Variants in ZNF462 observed in about 807,000 individuals in gnomAD.
The protein encoded by ZNF462 is zinc finger protein 462, also known as zinc finger PBX1-interacting protein.
Under a neutral mutation model 201.9 loss-of-function variants are expected in ZNF462, and 10 were observed. The observed-to-expected ratio is 0.05, with a 90% confidence interval of 0.03 to 0.08. The LOEUF (loss-of-function observed/expected upper bound fraction) is 0.08. ZNF462 is among the 10% of genes least tolerant of loss of function. ZNF462 has a pLI of 1.00. For missense variants in ZNF462, 2,523 were observed against 3,168.3 expected (o/e 0.80, Z 4.89); for synonymous variants, 1,227 against 1,193.3 (o/e 1.03, Z -0.58).
Position 106,924,214 on chromosome 9 carries a change from C to G in ZNF462, c.302C>G (p.Pro101Arg), listed in dbSNP as rs1830096756. The change falls in exon 3 of 13, where the codon CCC becomes CGC. Residue 101 changes from proline to arginine, a missense_variant. Coordinates refer to ENST00000277225, the MANE Select transcript of ZNF462 (RefSeq NM_021224.6). The surrounding 1 kb of genome is among the most constrained non-coding windows in gnomAD (Gnocchi z 6.2). ...GYYGQHIAAN[P>R]KPTNKFFQCK... ...TATGGTCAGCATATTGCCGCTAATC[C>G]CAAACCAACAAACAAGTTTTTTCAA... 6.2e-7 allele frequency: 1 copy of G among 1,614,092 alleles called. No individual in the cohort carries two copies. Among genetic ancestry groups the G allele is most frequent in the South Asian group, 1.1e-5 (1 of 91,072 alleles).
At position 106,926,140 on chromosome 9, in the gene ZNF462, A is replaced by T; in HGVS notation, c.2228A>T (p.Glu743Val). The change falls in exon 3 of 13, where the codon GAA becomes GTA. Residue 743 changes from glutamate (E) to valine (V), a missense_variant. Glu to Val is a moderately radical substitution (Grantham distance 121). This residue lies in a region of ZNF462 where 383 missense variants were observed against 453.4 expected (regional missense o/e 0.84). Coordinates refer to ENST00000277225, the MANE Select transcript of ZNF462 (RefSeq NM_021224.6). This position sits in a 1 kb window ranked among gnomAD's most constrained non-coding sequence, Gnocchi z 7.9. ...GAGGTTGAGTTGGACAGGGAGGAAGAACCGACAGAACCCATCATAGAGGTT... is the reference window on the plus strand; with the variant it reads ...GAGGTTGAGTTGGACAGGGAGGAAGTACCGACAGAACCCATCATAGAGGTT... ...EIEVELDREE[E>V]PTEPIIEVPT... The T allele has an allele frequency of 6.2e-7, 1 of 1,614,180 alleles. No homozygotes were observed.
Position 107,005,908 on chromosome 9 carries a change from C to T in ZNF462, c.7189+2482C>T, listed in dbSNP as rs1433748535. ...TTTCATTCTTCTGCATGTGGATATC[C>T]ACCTGTTCCAATACCATTTATTGAA... On this transcript the variant is annotated intron_variant, in intron 11 of 12. Coordinates refer to ENST00000277225, the MANE Select transcript of ZNF462 (RefSeq NM_021224.6). The surrounding 1 kb of genome is among the most constrained non-coding windows in gnomAD (Gnocchi z 4.4). Among the ~76,000 whole-genome samples the T allele has an allele frequency of 6.6e-6, 1 of 152,126 alleles. No homozygotes were observed. Among genetic ancestry groups the T allele is most frequent in the Non-Finnish European group, 1.5e-5 (1 of 68,032 alleles).
At chr9:106,964,357 C>T (rs934389575) in intron 7 of ZNF462, among the ~76,000 whole-genome samples, 5 of 152,026 alleles carry the variant, frequency 3.3e-5, no homozygotes, top group African/African-American at 1.2e-4. Context: ...AATCACCATC[C>T]TAACTAGGGA....
At position 106,876,106 on chromosome 9, in the gene ZNF462, A is replaced by G. The variant is rs1827820759; in HGVS notation, c.-31+12751A>G. On this transcript the variant is annotated intron_variant, in intron 1 of 12. Transcript: ENST00000277225. The surrounding 1 kb of genome is among the most constrained non-coding windows in gnomAD (Gnocchi z 4.9). Reference sequence around the variant, plus strand: ...AAGTGATGTGTAGTAGGTGGAATATACTCTTTGGGGCCACACAAGCTGAGG... The same window carrying G: ...AAGTGATGTGTAGTAGGTGGAATATGCTCTTTGGGGCCACACAAGCTGAGG... 1.3e-5 allele frequency among the ~76,000 whole-genome samples: 2 copies of G among 151,794 alleles called. No homozygotes were observed. Among genetic ancestry groups the G allele is most frequent in the East Asian group, 3.9e-4 (2 of 5,170 alleles).
rs368293930 is a variant in ZNF462, at chr9:106,926,860, C to T, written c.2948C>T (p.Ser983Leu). The T allele has an allele frequency of 6.8e-6, 11 of 1,614,118 alleles. No individual in the cohort carries two copies. The Middle Eastern group carries it at 4.9e-4, about 73-fold the overall frequency. Reference protein sequence around the residue: ...ESQTLREILNSAPKNMATSTP... With the variant: ...ESQTLREILNLAPKNMATSTP... The stretch of plus-strand genomic sequence containing the variant: ...CAGACCCTGAGGGAGATTCTGAATT[C>T]GGCTCCCAAGAACATGGCGACTTCC... Residue 983 changes from serine (S) to leucine (L), a missense_variant, in exon 3 of 13, where the codon TCG becomes TTG. Ser to Leu is a moderately radical substitution (Grantham distance 145, BLOSUM62 -2). Transcript: ENST00000277225. The surrounding 1 kb of genome is among the most constrained non-coding windows in gnomAD (Gnocchi z 7.9).
At chr9:106,996,868 ACT>A (rs1828773485) in intron 10 of ZNF462, among the ~76,000 whole-genome samples, 1 of 152,000 alleles carries the variant, frequency 6.6e-6, no homozygotes, top group South Asian at 2.1e-4. Context: ...CAAGTGTATG[ACT>A]CTGCACTGAG....
In ZNF462 at chr9:106,924,126, T is replaced by C; in HGVS notation, c.221-7T>C. The C allele has an allele frequency of 6.3e-7, 1 of 1,585,164 alleles. No individual in the cohort carries two copies. Among genetic ancestry groups the C allele is most frequent in the Non-Finnish European group, 8.6e-7 (1 of 1,169,030 alleles). On this transcript the variant is annotated splice_polypyrimidine_tract_variant and splice_region_variant and intron_variant, in intron 2 of 12. Transcript: ENST00000277225. This position sits in a 1 kb window ranked among gnomAD's most constrained non-coding sequence, Gnocchi z 6.2. ...GCTTTGTCACTTTCCTTATGCTTTT[T>C]CTTTAGGTCAAAATGCAACTTCATT...
chr9:106,904,336 G>A (rs982999211), intron 1 of ZNF462, among the ~76,000 whole-genome samples: 13 of 152,096 alleles, frequency 8.5e-5, no homozygotes, highest in Non-Finnish European at 5.9e-5. Context: ...AGGTTACCTG[G>A]TGCTTCTGTC....
At position 106,928,775 on chromosome 9, in the gene ZNF462, C is replaced by G. The variant is rs3814539; in HGVS notation, c.4863C>G (p.Pro1621=). 3 of 1,613,970 alleles carry G rather than the reference C, an allele frequency of 1.9e-6. No individual in the cohort carries two copies. Among genetic ancestry groups the G allele is most frequent in the South Asian group, 1.1e-5 (1 of 91,076 alleles). ...CGAAGCTGCCAGTCCCCCTCGAGCC[C>G]GAGATGACCACTGAAGTGAGCCCTT... ...SPPKLPVPLE[P]EMTTEVSPSQ... The change falls in exon 3 of 13, where the codon CCC becomes CCG. Residue 1621 remains proline, a synonymous_variant. Transcript: ENST00000277225. This position sits in a 1 kb window ranked among gnomAD's most constrained non-coding sequence, Gnocchi z 9.3.
At chr9:106,997,628 A>G (rs16926052) in intron 10 of ZNF462, among the ~76,000 whole-genome samples, 12,803 of 152,126 alleles carry the variant, frequency 0.084, 1,304 homozygotes, top group African/African-American at 0.24. Context: ...TGCACTTTTG[A>G]CCATCTTGCT....
intron 1 of ZNF462, among the ~76,000 whole-genome samples, chr9:106,904,654 G>A (rs62568590): frequency 7.2e-5 from 11 of 152,098 alleles, no homozygotes; most frequent in Admixed American, 2.0e-4. Flanking sequence ...GTCTTTGTTG[G>A]ATTGGGTTAA....
chr9:106,943,636 A>C (rs1394583362), intron 7 of ZNF462, among the ~76,000 whole-genome samples: 1 of 152,116 alleles, frequency 6.6e-6, no homozygotes. Context: ...ACTGGCCCCA[A>C]ACTACTCTTA....
At chr9:106,889,955 G>C (rs931003164) in intron 1 of ZNF462, among the ~76,000 whole-genome samples, 1 of 152,184 alleles carries the variant, frequency 6.6e-6, no homozygotes, top group Non-Finnish European at 1.5e-5. Context: ...AGAGTGCAGG[G>C]TAACTGCCTT....
intron 1 of ZNF462, among the ~76,000 whole-genome samples, chr9:106,879,387 A>G (rs961983189): frequency 1.6e-5 from 2 of 121,926 alleles, no homozygotes; most frequent in Non-Finnish European, 3.2e-5. Context: ...CTTTCACATT[A>G]TGTGTTAAAT....
At chr9:106,942,322 A>G (rs1314188508) in intron 7 of ZNF462, among the ~76,000 whole-genome samples, 1 of 152,128 alleles carries the variant, frequency 6.6e-6, no homozygotes, top group Non-Finnish European at 1.5e-5. Context: ...AAAGTGGAGA[A>G]AGCAAAAATG....
At chr9:106,982,510 C>G (rs886692666) in intron 9 of ZNF462, among the ~76,000 whole-genome samples, 2 of 152,102 alleles carry the variant, frequency 1.3e-5, no homozygotes, top group African/African-American at 4.8e-5. Flanking sequence ...TTACACCAAA[C>G]CATACAACTG....
chr9:106,908,945 T>A (rs866721388), intron 1 of ZNF462, among the ~76,000 whole-genome samples: 198 of 26,138 alleles, frequency 7.6e-3, no homozygotes, highest in East Asian at 0.017. Context: ...ATATATATTT[T>A]TTTTTTTTTT....
At chr9:106,912,389 AT>A in intron 1 of ZNF462, among the ~76,000 whole-genome samples, 1 of 151,006 alleles carries the variant, frequency 6.6e-6, no homozygotes, top group South Asian at 2.1e-4. Context: ...AGTTCTTTGA[AT>A]AGTCAATCTG....
At chr9:106,874,270 A>C (rs1348664132) in intron 1 of ZNF462, among the ~76,000 whole-genome samples, 1 of 152,216 alleles carries the variant, frequency 6.6e-6, no homozygotes, top group Non-Finnish European at 1.5e-5. Flanking sequence ...GACCCTAGGC[A>C]GTAGGGCCTA....
Sources: gnomAD v4.1 joint callset for allele counts (sites outside exome capture counted in the v4.1 genomes callset) on GRCh38, gnomAD v4.1.1 for gene constraint, gnomAD v4.1.1 regional missense constraint, Gnocchi (gnomAD v3.1) non-coding constraint, MANE v1.5 for transcripts, NCBI Gene and HGNC (gene_info 2026-07-23, HGNC 2026-07-21) for gene names.